DPYSL3: variants seen among roughly 807,000 people sequenced by gnomAD.
The protein encoded by DPYSL3 is dihydropyrimidinase-related protein 3.
Under a neutral mutation model 66.1 loss-of-function variants are expected in DPYSL3, and 16 were observed. The ratio of observed to expected loss-of-function variants is 0.24; its 90% CI spans 0.16 to 0.37. The LOEUF (loss-of-function observed/expected upper bound fraction) is 0.37, where lower values mean the gene tolerates loss of function less well. Among genes scored for constraint, DPYSL3 ranks in the 10% least tolerant of loss-of-function variants. DPYSL3 has a pLI of 1.00. For missense variants in DPYSL3, 738 were observed against 916.2 expected (o/e 0.81, Z 2.51); for synonymous variants, 338 against 345.1 (o/e 0.98, Z 0.23).
At chr5:147,502,468 G>A (rs1306546966) in intron 1 of DPYSL3, among the ~76,000 whole-genome samples, 2 of 151,716 alleles carry the variant, frequency 1.3e-5, no homozygotes, top group Non-Finnish European at 2.9e-5. Context: ...AGATGATGAG[G>A]AAACGATGTT....
intron 1 of DPYSL3, among the ~76,000 whole-genome samples, chr5:147,491,677 T>C (rs924579812): frequency 6.6e-5 from 10 of 151,818 alleles, no homozygotes; most frequent in Non-Finnish European, 1.3e-4. Flanking sequence ...ATTAGTAGAT[T>C]AGACAGAGCT....
intron 7 of DPYSL3, among the ~76,000 whole-genome samples, chr5:147,407,656 A>T (rs890951827): frequency 1.3e-5 from 2 of 152,200 alleles, no homozygotes; most frequent in Non-Finnish European, 2.9e-5. Context: ...GCGAGAACTG[A>T]GATAACGTAT....
chr5:147,446,378 C>T (rs181615829), intron 1 of DPYSL3, among the ~76,000 whole-genome samples: 2 of 152,274 alleles, frequency 1.3e-5, no homozygotes, highest in East Asian at 1.9e-4. Context: ...TCTTCTAGTC[C>T]GAGGAACTCT....
intron 1 of DPYSL3, among the ~76,000 whole-genome samples, chr5:147,490,086 G>A (rs1456360038): frequency 6.6e-6 from 1 of 151,898 alleles, no homozygotes; most frequent in Non-Finnish European, 1.5e-5. Context: ...GAATAATGTG[G>A]CCCAAGTAAT....
intron 12 of DPYSL3, among the ~76,000 whole-genome samples, chr5:147,396,443 G>A (rs1234556508): frequency 6.6e-6 from 1 of 152,192 alleles, no homozygotes; most frequent in Admixed American, 6.5e-5. Flanking sequence ...ACCCATGGCA[G>A]CGGCACACAA....
intron 1 of DPYSL3, among the ~76,000 whole-genome samples, chr5:147,435,396 T>C (rs1478313493): frequency 6.6e-6 from 1 of 152,200 alleles, no homozygotes; most frequent in Admixed American, 6.5e-5. Flanking sequence ...ATTGCATTGA[T>C]GAAGACATGG....
chr5:147,396,702 A>C (rs1451874671), intron 12 of DPYSL3, among the ~76,000 whole-genome samples: 4 of 152,178 alleles, frequency 2.6e-5, no homozygotes, highest in Non-Finnish European at 5.9e-5. Flanking sequence ...CCCTGGTTTC[A>C]GAATCTAAAT....
chr5:147,424,344 C>T (rs1410831998), intron 2 of DPYSL3, among the ~76,000 whole-genome samples: 2 of 152,126 alleles, frequency 1.3e-5, no homozygotes, highest in Non-Finnish European at 2.9e-5. Context: ...ATGTAGGAAA[C>T]CTACACATAA....
intron 1 of DPYSL3, among the ~76,000 whole-genome samples, chr5:147,473,598 G>A (rs1158461202): frequency 2.0e-5 from 3 of 152,088 alleles, no homozygotes; most frequent in African/African-American, 7.2e-5. Context: ...GAATTCATTT[G>A]GGGGTTCTGT....
At chr5:147,500,429 C>T (rs558517687) in intron 1 of DPYSL3, among the ~76,000 whole-genome samples, 1 of 152,134 alleles carries the variant, frequency 6.6e-6, no homozygotes, top group Admixed American at 6.5e-5. Context: ...GCCTAGCCAA[C>T]ATGGTGAAAT....
chr5:147,475,810 GCAGA>G lies in DPYSL3; in HGVS notation c.381+33664_381+33667del, dbSNP rs1016019728. ...TGAAAATATTTGTAAAGGTTTTTGA[GCAGA>G]CAGTTATCCTGAAAAACACCCGAAG... On this transcript the variant is annotated intron_variant, in intron 1 of 13. Coordinates refer to ENST00000343218, the MANE Select transcript of DPYSL3 (RefSeq NM_001197294.2). Among the ~76,000 whole-genome samples the G allele has an allele frequency of 3.9e-5, 6 of 152,082 alleles. No individual in the cohort carries two copies. The East Asian group carries it at 5.8e-4, about 15-fold the overall frequency.
chr5:147,415,142 C>T (rs1751936358), intron 4 of DPYSL3, among the ~76,000 whole-genome samples: 1 of 152,168 alleles, frequency 6.6e-6, no homozygotes, highest in Non-Finnish European at 1.5e-5. Flanking sequence ...CTGGCAAACA[C>T]ACAGAAACAT....
At chr5:147,474,484 A>G (rs1397936546) in intron 1 of DPYSL3, among the ~76,000 whole-genome samples, 2 of 152,100 alleles carry the variant, frequency 1.3e-5, no homozygotes, top group Non-Finnish European at 2.9e-5. Flanking sequence ...TTGGAAGCTG[A>G]CAATGGTTAA....
At chr5:147,423,758 GGT>G (rs943585586) in intron 2 of DPYSL3, among the ~76,000 whole-genome samples, 2 of 152,104 alleles carry the variant, frequency 1.3e-5, no homozygotes, top group African/African-American at 2.4e-5. Context: ...TGTCACCCAG[GGT>G]GGAGTGCTGG....
chr5:147,401,853 C>T lies in DPYSL3; in HGVS notation c.1154-157G>A, dbSNP rs556297848. Reference sequence around the variant, plus strand: ...TGTTCCCACCTTTTTAAAGCCCCTGCTTTCCTATCTGCTAAATGTGACCAA... The same window carrying T: ...TGTTCCCACCTTTTTAAAGCCCCTGTTTTCCTATCTGCTAAATGTGACCAA... On this transcript the variant is annotated intron_variant, in intron 8 of 13. Coordinates refer to ENST00000343218, the MANE Select transcript of DPYSL3 (RefSeq NM_001197294.2). 13 of 769,694 alleles carry T rather than the reference C, an allele frequency of 1.7e-5. No homozygotes were observed. The Admixed American group carries it at 4.5e-4, about 27-fold the overall frequency. 47.7% of individuals were successfully genotyped at this position (769,694 alleles called of 1,614,324 possible).
chr5:147,486,001 A>G (rs890770909), intron 1 of DPYSL3, among the ~76,000 whole-genome samples: 4 of 152,218 alleles, frequency 2.6e-5, no homozygotes, highest in East Asian at 1.9e-4. Flanking sequence ...TATACATACA[A>G]TGGAATACTA....
rs541516625 is a variant in DPYSL3 at position 147,414,545 on chromosome 5, GT to G, written c.821-889del. Among the ~76,000 whole-genome samples, 574 of 152,254 alleles carry G rather than the reference GT, an allele frequency of 3.8e-3. 3 individuals carry two copies. The highest frequency in any genetic ancestry group is 5.9e-3 in the Admixed American group (90 of 15,280). On this transcript the variant is annotated intron_variant, in intron 4 of 13. Coordinates refer to ENST00000343218, the MANE Select transcript of DPYSL3 (RefSeq NM_001197294.2). The stretch of plus-strand genomic sequence containing the variant: ...TTTGAGAACTTCCCTACCCAGAGTG[GT>G]TCAACTCAGGGCAGTCTTCCCAAAC...
Position 147,415,724 on chromosome 5 carries a change from G to C in DPYSL3, c.805C>G (p.Leu269Val). 6.2e-7 allele frequency: 1 copy of C among 1,613,960 alleles called. No individual in the cohort carries two copies. Among genetic ancestry groups the C allele is most frequent in the Non-Finnish European group, 8.5e-7 (1 of 1,179,958 alleles). The part of the protein sequence containing the change: ...NDSVKQEVQN[L>V]IKDKGVNSFM... ...CCGGGCTCACCTTTGTCCTTGATGAGGTTCTGCACTTCCTGCTTGACGCTG... is the reference window on the plus strand; with the variant it reads ...CCGGGCTCACCTTTGTCCTTGATGACGTTCTGCACTTCCTGCTTGACGCTG... Residue 269 changes from leucine (L) to valine (V), a missense_variant, in exon 4 of 14, where the codon CTC becomes GTC. By Grantham distance (32) the Leu-to-Val change is conservative (BLOSUM62 1). Transcript: ENST00000343218.
At chr5:147,508,769 A>G (rs2126467432) in intron 1 of DPYSL3, among the ~76,000 whole-genome samples, 1 of 152,296 alleles carries the variant, frequency 6.6e-6, no homozygotes, top group Non-Finnish European at 1.5e-5. Context: ...ACTCTCGTCT[A>G]TTTTCTAAAA....
Sources: allele counts gnomAD v4.1 joint callset (sites outside exome capture counted in the v4.1 genomes callset), GRCh38; gene constraint gnomAD v4.1.1; transcripts MANE v1.5; gene names NCBI Gene and HGNC (gene_info 2026-07-23, HGNC 2026-07-21).